FSD1L: variants seen among roughly 807,000 people sequenced by gnomAD.
The protein encoded by FSD1L is FSD1-like protein.
A neutral mutation model predicts 71.6 loss-of-function variants in FSD1L; 45 were observed. That is an observed-to-expected ratio of 0.63 (90% confidence interval 0.49 to 0.81). The LOEUF is 0.81. Among genes scored for constraint, FSD1L ranks in the 30% least tolerant of loss-of-function variants. The probability of loss-of-function intolerance (pLI) is 0.00; values close to 1 mark genes in which losing one functional copy is unlikely to be tolerated. For missense variants in FSD1L, 561 were observed against 618.1 expected (o/e 0.91, Z 0.98); for synonymous variants, 197 against 207.2 (o/e 0.95, Z 0.42).
At chr9:105,452,673 T>TGCCTGCCTGCCTGCCTGCCTG (rs1564073401) in intron 1 of FSD1L, among the ~76,000 whole-genome samples, 1 of 79,684 alleles carries the variant, frequency 1.3e-5, no homozygotes, top group Non-Finnish European at 2.3e-5. Flanking sequence ...CTGCCTGCCT[T>TGCCTGCCTGCCTGCCTGCCTG]CCTTCCTTCC....
intron 10 of FSD1L, chr9:105,520,903 A>G: frequency 2.5e-6 from 4 of 1,612,242 alleles, no homozygotes; most frequent in Non-Finnish European, 3.4e-6. Context: ...CTTCTAAAAT[A>G]CATAGTCATT....
At chr9:105,465,028 A>G (rs777176385) in intron 3 of FSD1L, among the ~76,000 whole-genome samples, 1 of 152,190 alleles carries the variant, frequency 6.6e-6, no homozygotes, top group Non-Finnish European at 1.5e-5. Flanking sequence ...GTAGAAGTAG[A>G]TGAAAGTAAC....
intron 10 of FSD1L, chr9:105,521,706 A>G: frequency 6.2e-7 from 1 of 1,613,556 alleles, no homozygotes; most frequent in Non-Finnish European, 8.5e-7. Context: ...AGAAGAGGAA[A>G]ATGGGACCAA....
intron 10 of FSD1L, chr9:105,513,498 C>A: frequency 4.5e-6 from 4 of 897,420 alleles, no homozygotes; most frequent in Admixed American, 2.7e-5. Context: ...GTAATGAATC[C>A]CCAAAAATTC....
intron 13 of FSD1L, among the ~76,000 whole-genome samples, chr9:105,542,411 A>G (rs1836686274): frequency 6.6e-6 from 1 of 152,070 alleles, no homozygotes; most frequent in South Asian, 2.1e-4. Flanking sequence ...ATCTGTTAAA[A>G]TTATTTGCTT....
At chr9:105,458,771 A>T (rs1023277308) in intron 1 of FSD1L, among the ~76,000 whole-genome samples, 4 of 152,126 alleles carry the variant, frequency 2.6e-5, no homozygotes, top group Admixed American at 6.5e-5. Flanking sequence ...TTCACCAGGG[A>T]CCCACCCCTA....
intron 5 of FSD1L, among the ~76,000 whole-genome samples, chr9:105,477,558 C>T (rs1355616996): frequency 2.6e-5 from 4 of 152,134 alleles, no homozygotes; most frequent in Non-Finnish European, 4.4e-5. Context: ...TCAGATAAGT[C>T]ATATCATTTT....
intron 7 of FSD1L, among the ~76,000 whole-genome samples, chr9:105,495,150 C>T (rs1833273835): frequency 6.6e-6 from 1 of 152,188 alleles, no homozygotes; most frequent in South Asian, 2.1e-4. Flanking sequence ...TGGTGGGCTC[C>T]ACCCAGTTTG....
chr9:105,505,274 T>G (rs1833986145), intron 7 of FSD1L, among the ~76,000 whole-genome samples: 1 of 152,244 alleles, frequency 6.6e-6, no homozygotes, highest in Non-Finnish European at 1.5e-5. Context: ...TGTTTTGTTC[T>G]TTTTGAGACG....
upstream of FSD1L, among the ~76,000 whole-genome samples, chr9:105,447,139 C>T (rs1221260970): frequency 6.6e-6 from 1 of 151,822 alleles, no homozygotes; most frequent in East Asian, 1.9e-4. Flanking sequence ...TCCTAAGCAA[C>T]ATGGCTAGAA....
intron 13 of FSD1L, among the ~76,000 whole-genome samples, chr9:105,544,141 G>A (rs939588532): frequency 2.0e-5 from 3 of 152,196 alleles, no homozygotes; most frequent in African/African-American, 7.2e-5. Context: ...GGTGTGAGAT[G>A]GTATCTCATT....
At chr9:105,490,966 T>G (rs1470276705) in intron 7 of FSD1L, among the ~76,000 whole-genome samples, 4 of 149,940 alleles carry the variant, frequency 2.7e-5, no homozygotes, top group Non-Finnish European at 4.5e-5. Context: ...TTCTTTTGGC[T>G]TAGGATTGAC....
chr9:105,493,656 G>A (rs1376358967), intron 7 of FSD1L, among the ~76,000 whole-genome samples: 1 of 152,152 alleles, frequency 6.6e-6, no homozygotes, highest in Non-Finnish European at 1.5e-5. Context: ...TCCTTTCCAT[G>A]TTTACTGCTT....
chr9:105,462,361 C>G (rs1830759452), intron 2 of FSD1L, among the ~76,000 whole-genome samples: 1 of 151,142 alleles, frequency 6.6e-6, no homozygotes, highest in Admixed American at 6.6e-5. Context: ...GCTGGGATTA[C>G]AGGCGCCCAT....
chr9:105,480,492 A>G (rs1001061043), intron 6 of FSD1L, among the ~76,000 whole-genome samples: 1 of 152,038 alleles, frequency 6.6e-6, no homozygotes, highest in Non-Finnish European at 1.5e-5. Context: ...GGGTCTTGCT[A>G]TTTTGCCCAG....
In FSD1L at chr9:105,550,907, TGTAA is replaced by T. The variant is rs1338232974; in HGVS notation, c.*4426_*4429del. On this transcript the variant is annotated 3_prime_UTR_variant, in exon 14 of 14. Coordinates refer to ENST00000481272, the MANE Select transcript of FSD1L (RefSeq NM_001145313.3). The stretch of plus-strand genomic sequence containing the variant: ...TCTTTTCTTAGTGGTACCCATTCAA[TGTAA>T]GCTGGTCCATGGGAATGGACATGAA... The T allele has an allele frequency of 3.9e-5, 6 of 152,098 alleles. No homozygotes were observed. The highest frequency in any genetic ancestry group is 1.3e-4 in the Admixed American group (2 of 15,260). The allele number at this position is 152,098 out of a possible 1,614,324, so 9.4% of individuals were successfully genotyped here.
At chr9:105,523,780 T>G in intron 10 of FSD1L, 5 of 1,597,778 alleles carry the variant, frequency 3.1e-6, no homozygotes, top group Non-Finnish European at 4.3e-6. Flanking sequence ...TACAATATAA[T>G]GCATTGTGGA....
intron 1 of FSD1L, among the ~76,000 whole-genome samples, chr9:105,456,351 A>G (rs1178814420): frequency 6.6e-6 from 1 of 152,212 alleles, no homozygotes; most frequent in Non-Finnish European, 1.5e-5. Flanking sequence ...TAATAATAGT[A>G]ACTTACTTCA....
rs770177500 is a variant in FSD1L, at chr9:105,546,547, T to G, written c.*64T>G. ...GTGGCCTTTTCTGTGCAGTTACTAATCACAGGAATTTGGTAGTAGTGAAAA... is the reference window on the plus strand; with the variant it reads ...GTGGCCTTTTCTGTGCAGTTACTAAGCACAGGAATTTGGTAGTAGTGAAAA... On this transcript the variant is annotated 3_prime_UTR_variant, in exon 14 of 14. Transcript: ENST00000481272. 3.6e-5 allele frequency: 52 copies of G among 1,432,246 alleles called. No individual in the cohort carries two copies. The highest frequency in any genetic ancestry group is 4.7e-5 in the Non-Finnish European group (51 of 1,084,388). The allele number at this position is 1,432,246 out of a possible 1,614,324, so 88.7% of individuals were successfully genotyped here. A position where few individuals can be genotyped will look rare whatever the true frequency, so the allele number is the denominator to read the frequency against.
Sources: gnomAD v4.1 joint callset for allele counts (sites outside exome capture counted in the v4.1 genomes callset) on GRCh38, gnomAD v4.1.1 for gene constraint, MANE v1.5 for transcripts, NCBI Gene and HGNC (gene_info 2026-07-23, HGNC 2026-07-21) for gene names.